The following SLC44A2 variants were observed in gnomAD, a reference collection of about 807,000 sequenced individuals.
SLC44A2 encodes solute carrier family 44 member 2 (CTL2 blood group), also known as choline transporter-like protein 2.
SLC44A2 carries 57 observed loss-of-function variants against 90.8 expected under a neutral mutation model. The ratio of observed to expected loss-of-function variants is 0.63; its 90% confidence interval spans 0.51 to 0.78. The LOEUF (loss-of-function observed/expected upper bound fraction) is 0.78, where lower values mean the gene tolerates loss of function less well. Among genes scored for constraint, SLC44A2 ranks in the 30% least tolerant of loss-of-function variants. The pLI is 0.00. For synonymous variants in SLC44A2, 355 were observed against 360.7 expected (o/e 0.98, Z 0.18); for missense variants, 794 against 919.7 (o/e 0.86, Z 1.77).
chr19:10,620,374 G>A (rs1031942055), intron 1 of SLC44A2, among the ~76,000 whole-genome samples: 2 of 152,026 alleles, frequency 1.3e-5, no homozygotes, highest in East Asian at 1.9e-4. Context: ...CCAGTTACCC[G>A]GGGGTGCTGA....
rs35684067 is a variant in SLC44A2, at chr19:10,608,954, C to CTTT, written c.31+6412_31+6414dup. Among the ~76,000 whole-genome samples the CTTT allele has an allele frequency of 3.2e-4, 36 of 111,196 alleles. 1 individual carries two copies. Among genetic ancestry groups the CTTT allele is most frequent in the Non-Finnish European group, 5.0e-4 (26 of 52,444 alleles). 72.9% of individuals were successfully genotyped at this position (111,196 alleles called of 152,430 possible). On this transcript the variant is annotated intron_variant, in intron 1 of 21. Coordinates refer to the SLC44A2 transcript ENST00000407327. ...TCGTGAGCCACTGCACCCAGCCTAC[C>CTTT]TTTTTTTTTTTTTTTTTTTTTGAGA...
intron 1 of SLC44A2, among the ~76,000 whole-genome samples, chr19:10,616,030 CAT>C (rs983670767): frequency 1.3e-5 from 2 of 151,656 alleles, no homozygotes; most frequent in African/African-American, 4.8e-5. Flanking sequence ...GGCATGGTGA[CAT>C]GTGCCAGCTG....
intron 14 of SLC44A2, chr19:10,635,753 C>A: frequency 4.1e-5 from 16 of 393,766 alleles, no homozygotes; most frequent in African/African-American, 8.6e-5. Flanking sequence ...GGTGCTAAAT[C>A]ACCCATTTTT....
intron 4 of SLC44A2, among the ~76,000 whole-genome samples, chr19:10,629,779 AGTCTCGCTCTGTCGCC>A (rs1212444342): frequency 6.7e-6 from 1 of 150,078 alleles, no homozygotes; most frequent in Non-Finnish European, 1.5e-5. Flanking sequence ...TTTGAGACAG[AGTCTCGCTCTGTCGCC>A]CAGGCTGGAG....
chr19:10,643,424 G>A lies in SLC44A2; in HGVS notation c.*39G>A, dbSNP rs147086307. 775 of 1,580,968 alleles carry A rather than the reference G, an allele frequency of 4.9e-4. 2 individuals carry two copies. The highest frequency in any genetic ancestry group is 5.9e-4 in the Non-Finnish European group (683 of 1,161,362). On this transcript the variant is annotated 3_prime_UTR_variant, in exon 22 of 22. Transcript: ENST00000335757. ...CCCACCTCTCAAGGAGTCTCATGCC[G>A]CAGGGTGCTCAGTAGCTGGGTCTGT...
intron 21 of SLC44A2, 103 bp from the exon 22 acceptor site, chr19:10,643,176 A>AC (rs2067136760): frequency 6.8e-7 from 1 of 1,473,316 alleles, no homozygotes; most frequent in Non-Finnish European, 9.0e-7. Flanking sequence ...CTGCTTTCTA[A>AC]CCCTCTGAGG....
At chr19:10,628,590 G>A (rs980869959) in intron 4 of SLC44A2, among the ~76,000 whole-genome samples, 2 of 152,078 alleles carry the variant, frequency 1.3e-5, no homozygotes, top group African/African-American at 4.8e-5. Context: ...ACTGATAAAC[G>A]TCCCACTACC....
chr19:10,622,200 C>A (rs1164660566), upstream of SLC44A2, among the ~76,000 whole-genome samples: 1 of 152,140 alleles, frequency 6.6e-6, no homozygotes, highest in Non-Finnish European at 1.5e-5. Flanking sequence ...GGGACGTACC[C>A]AGGAGGCCAG....
intron 1 of SLC44A2, among the ~76,000 whole-genome samples, chr19:10,607,838 C>T (rs1185960265): frequency 4.0e-5 from 6 of 150,408 alleles, no homozygotes; most frequent in Non-Finnish European, 5.9e-5. Flanking sequence ...CACCGCCTCC[C>T]GGGTTCATGC....
chr19:10,627,942 A>T lies in SLC44A2; in HGVS notation c.183A>T (p.Arg61=), dbSNP rs2066951707. ...CAGCCTGGACTCATGGAGACCCTCGAAAGGTGATCTACCCCACTGACAGCC... is the reference window on the plus strand; with the variant it reads ...CAGCCTGGACTCATGGAGACCCTCGTAAGGTGATCTACCCCACTGACAGCC... ...GIIAWTHGDP[R]KVIYPTDSRG... Residue 61 remains arginine (R), a synonymous_variant, in exon 4 of 22, where the codon CGA becomes CGT. Coordinates refer to ENST00000335757, the MANE Select transcript of SLC44A2 (RefSeq NM_020428.4). 6.2e-7 allele frequency: 1 copy of T among 1,613,996 alleles called. No homozygotes were observed.
chr19:10,641,009 C>A, intron 20 of SLC44A2: 1 of 365,090 alleles, frequency 2.7e-6, no homozygotes, highest in Non-Finnish European at 5.3e-6. Flanking sequence ...ATCGCTTGAA[C>A]CCGGGAGGTG....
intron 1 of SLC44A2, 91 bp from the exon 2 acceptor site, chr19:10,626,162 A>T: frequency 1.9e-6 from 2 of 1,025,944 alleles, no homozygotes; most frequent in Non-Finnish European, 3.1e-6. Context: ...CAAGGCAAAG[A>T]CACCCCTAGG....
At chr19:10,624,095 T>G (rs1248523569), upstream of SLC44A2, among the ~76,000 whole-genome samples, 1 of 152,070 alleles carries the variant, frequency 6.6e-6, no homozygotes, top group Non-Finnish European at 1.5e-5. Flanking sequence ...CCTCTCGGGT[T>G]GAAGTGATTC....
chr19:10,609,243 A>G (rs760642660), intron 1 of SLC44A2, among the ~76,000 whole-genome samples: 1 of 151,848 alleles, frequency 6.6e-6, no homozygotes, highest in Non-Finnish European at 1.5e-5. Context: ...AGCGTGAGCA[A>G]CCATGCCCGG....
At chr19:10,625,340 C>A, upstream of SLC44A2, 1 of 603,560 alleles carries the variant, frequency 1.7e-6, no homozygotes, top group Non-Finnish European at 2.3e-6. Flanking sequence ...CGCCCGGTGG[C>A]AGGGTGTTCC....
chr19:10,635,646 G>A (rs2067046290), intron 14 of SLC44A2, 131 bp downstream of exon 14: 1 of 794,266 alleles, frequency 1.3e-6, no homozygotes, highest in Non-Finnish European at 2.0e-6. Flanking sequence ...AGGTGTGGGG[G>A]AGGACGCACA....
At chr19:10,622,870 C>T (rs903808267), upstream of SLC44A2, among the ~76,000 whole-genome samples, 1 of 152,156 alleles carries the variant, frequency 6.6e-6, no homozygotes, top group Non-Finnish European at 1.5e-5. Flanking sequence ...CCACTGCATT[C>T]CAGCCTGGGC....
At chr19:10,612,383 A>G (rs1382558993) in intron 1 of SLC44A2, among the ~76,000 whole-genome samples, 1 of 152,176 alleles carries the variant, frequency 6.6e-6, no homozygotes, top group East Asian at 1.9e-4. Context: ...AAAATAAAAA[A>G]TAAAAAAAGG....
intron 4 of SLC44A2, among the ~76,000 whole-genome samples, chr19:10,629,478 A>G (rs1000853321): frequency 1.3e-5 from 2 of 151,256 alleles, no homozygotes; most frequent in African/African-American, 4.9e-5. Flanking sequence ...GGGTTTCATC[A>G]TATTGGTCAG....
Sources: gnomAD v4.1 joint callset for allele counts (sites outside exome capture counted in the v4.1 genomes callset) on GRCh38, gnomAD v4.1.1 for gene constraint, MANE v1.5 for transcripts, NCBI Gene and HGNC (gene_info 2026-07-23, HGNC 2026-07-21) for gene names.